Variants in ARSG observed in about 807,000 individuals in gnomAD.
ARSG encodes the protein ASG.
ARSG carries 37 observed loss-of-function variants against 50.5 expected under a neutral mutation model. That is an observed-to-expected ratio of 0.73 (90% CI 0.56 to 0.96). ARSG has a LOEUF of 0.96. ARSG is among the 50% of genes least tolerant of loss of function. The probability of loss-of-function intolerance (pLI) is 0.00; values close to 1 mark genes in which losing one functional copy is unlikely to be tolerated. For missense variants in ARSG, 629 were observed against 675.3 expected (o/e 0.93, Z 0.76); for synonymous variants, 225 against 254.6 (o/e 0.88, Z 1.11).
chr17:68,319,411 C>G (rs1383289545), intron 2 of ARSG, among the ~76,000 whole-genome samples: 1 of 152,292 alleles, frequency 6.6e-6, no homozygotes, highest in East Asian at 1.9e-4. Context: ...GCCCACCTTT[C>G]AACTGGGGCC....
chr17:68,426,838 T>C (rs535594840), downstream of ARSG, among the ~76,000 whole-genome samples: 52 of 152,314 alleles, frequency 3.4e-4, no homozygotes, highest in African/African-American at 1.1e-3. Flanking sequence ...CCTGGCCTCA[T>C]TGGAATTTTT....
At chr17:68,435,155 C>T in the ARSG span, among the ~76,000 whole-genome samples, 2 of 149,850 alleles carry the variant, frequency 1.3e-5, no homozygotes, top group South Asian at 4.2e-4. Flanking sequence ...TGCAGTGAGC[C>T]GAGATTGCGC....
rs938858453 is a variant in ARSG at position 68,378,944 on chromosome 17, G to A, written c.983-6120G>A. Among the ~76,000 whole-genome samples, 2 of 151,898 alleles carry A rather than the reference G, an allele frequency of 1.3e-5. No individual in the cohort carries two copies. Among genetic ancestry groups the A allele is most frequent in the African/African-American group, 4.8e-5 (2 of 41,350 alleles). ...CAGTTTGGGGTCGGGGGTGGGGCGG[G>A]GAAAAGTCAGAGGTGCTGTGAGGTG... On this transcript the variant is annotated intron_variant, in intron 8 of 11. Transcript: ENST00000621439. The surrounding 1 kb of genome is among the most constrained non-coding windows in gnomAD (Gnocchi z 4.4).
rs782595962 is a variant in ARSG, at chr17:68,271,064, C to T, written c.-552+11638C>T. 16 of 1,614,020 alleles carry T rather than the reference C, an allele frequency of 9.9e-6. No individual in the cohort carries two copies. The highest frequency in any genetic ancestry group is 1.6e-4 in the Middle Eastern group (1 of 6,084). On this transcript the variant is annotated intron_variant, in intron 1 of 11. Coordinates refer to the ARSG transcript ENST00000448504. The surrounding 1 kb of genome is among the most constrained non-coding windows in gnomAD (Gnocchi z 5.3). ...AACAGAGACACAGTCAATAAGATGA[C>T]GCAGATGAGCTCAATGTAAATCTTA...
chr17:68,435,696 A>G, the ARSG span: 2 of 1,614,214 alleles, frequency 1.2e-6, no homozygotes, highest in Non-Finnish European at 1.7e-6. Flanking sequence ...ATGGGCAGCA[A>G]TAGTGCAGAC....
intron 1 of ARSG, among the ~76,000 whole-genome samples, chr17:68,296,070 T>C (rs1365019683): frequency 6.6e-6 from 1 of 152,154 alleles, no homozygotes; most frequent in Non-Finnish European, 1.5e-5. Context: ...AGACCCTGTC[T>C]CAAACCAACC....
At chr17:68,283,479 C>A (rs2075763547) in intron 1 of ARSG, among the ~76,000 whole-genome samples, 1 of 150,888 alleles carries the variant, frequency 6.6e-6, no homozygotes, top group Admixed American at 6.6e-5. Flanking sequence ...CGAGATCGCG[C>A]CACTGCACTC....
At chr17:68,436,823 C>G in the ARSG span, among the ~76,000 whole-genome samples, 1 of 152,060 alleles carries the variant, frequency 6.6e-6, no homozygotes, top group East Asian at 1.9e-4. Context: ...ATGGTGAAAC[C>G]CCATCTCTAC....
intron 8 of ARSG, 60 bp downstream of exon 8, chr17:68,370,584 T>G: frequency 6.6e-7 from 1 of 1,520,330 alleles, no homozygotes; most frequent in Non-Finnish European, 9.1e-7. Flanking sequence ...GGCTGGGGTG[T>G]GGGATTCTGC....
At chr17:68,347,228 G>A in intron 4 of ARSG, 56 bp downstream of exon 4, 1 of 1,570,434 alleles carries the variant, frequency 6.4e-7, no homozygotes, top group East Asian at 2.2e-5. Context: ...AGGTCTCTGT[G>A]TAAGACTCCA....
chr17:68,311,856 A>G (rs1224766551), intron 2 of ARSG, among the ~76,000 whole-genome samples: 2 of 143,496 alleles, frequency 1.4e-5, no homozygotes, highest in East Asian at 4.1e-4. Flanking sequence ...GTTGGAGTGC[A>G]GTAGTGCGAT....
intron 5 of ARSG, among the ~76,000 whole-genome samples, chr17:68,352,996 C>A (rs1370647953): frequency 6.6e-6 from 1 of 152,012 alleles, no homozygotes; most frequent in Non-Finnish European, 1.5e-5. Context: ...GTTGTCTGAG[C>A]CACTTGGGAA....
intron 2 of ARSG, among the ~76,000 whole-genome samples, chr17:68,343,193 G>A (rs905414112): frequency 6.6e-6 from 1 of 152,078 alleles, no homozygotes; most frequent in African/African-American, 2.4e-5. Context: ...TCTCGCTCCT[G>A]TCACCCAGGC....
intron 6 of ARSG, among the ~76,000 whole-genome samples, chr17:68,361,932 A>G (rs1256983066): frequency 1.3e-5 from 2 of 152,148 alleles, no homozygotes; most frequent in African/African-American, 2.4e-5. Flanking sequence ...CATGACAACA[A>G]CAAACAAACA....
In ARSG at chr17:68,271,030, G is replaced by A; in HGVS notation, c.-552+11604G>A. 6.2e-7 allele frequency: 1 copy of A among 1,614,164 alleles called. No homozygotes were observed. The highest frequency in any genetic ancestry group is 8.5e-7 in the Non-Finnish European group (1 of 1,180,044). ...TAGACCCCAGAATTCAGTAGCAAAA[G>A]TAAAGGCAAACAGAGACACAGTCAA... On this transcript the variant is annotated intron_variant, in intron 1 of 11. Transcript: ENST00000448504. This position sits in a 1 kb window ranked among gnomAD's most constrained non-coding sequence, Gnocchi z 5.3.
intron 8 of ARSG, among the ~76,000 whole-genome samples, chr17:68,383,655 A>T (rs780401303): frequency 6.6e-5 from 10 of 152,238 alleles, no homozygotes; most frequent in Non-Finnish European, 1.2e-4. Flanking sequence ...CGCATAAGTC[A>T]TACATTCCAA....
intron 2 of ARSG, among the ~76,000 whole-genome samples, chr17:68,332,234 A>G (rs144944767): frequency 7.9e-5 from 12 of 152,336 alleles, no homozygotes; most frequent in Non-Finnish European, 1.3e-4. Flanking sequence ...GAGAAAAAGA[A>G]TTCAGCGATA....
chr17:68,396,738 G>T (rs541369508), intron 10 of ARSG, among the ~76,000 whole-genome samples: 2 of 152,280 alleles, frequency 1.3e-5, no homozygotes, highest in African/African-American at 4.8e-5. Flanking sequence ...ATGGGCCATC[G>T]GTTCTTCTGT....
At chr17:68,387,555 C>G (rs2080788672) in intron 9 of ARSG, among the ~76,000 whole-genome samples, 2 of 152,186 alleles carry the variant, frequency 1.3e-5, no homozygotes, top group Non-Finnish European at 2.9e-5. Flanking sequence ...TTCCTACTGC[C>G]TGGACAGGCT....
Sources: allele counts gnomAD v4.1 joint callset (sites outside exome capture counted in the v4.1 genomes callset), GRCh38; gene constraint gnomAD v4.1.1; non-coding constraint Gnocchi (gnomAD v3.1); transcripts MANE v1.5; gene names NCBI Gene and HGNC (gene_info 2026-07-23, HGNC 2026-07-21).